Variants in BNC2 observed in about 807,000 individuals in gnomAD.
BNC2 encodes the protein zinc finger protein basonuclin-2.
BNC2 carries 20 observed loss-of-function variants against 76.3 expected under a neutral mutation model. That is an observed-to-expected ratio of 0.26 (90% CI 0.18 to 0.38). The LOEUF (loss-of-function observed/expected upper bound fraction) is 0.38, where lower values mean the gene tolerates loss of function less well. Ranked by LOEUF, BNC2 falls within the 10% of genes least tolerant of loss-of-function variation. The pLI is 1.00. For missense variants in BNC2, 1,382 were observed against 1,399.8 expected (o/e 0.99, Z 0.20); for synonymous variants, 582 against 514.8 (o/e 1.13, Z -1.77).
intron 3 of BNC2, among the ~76,000 whole-genome samples, chr9:16,640,623 T>G (rs904846455): frequency 1.3e-5 from 2 of 152,208 alleles, no homozygotes; most frequent in Non-Finnish European, 2.9e-5. Context: ...TTCAAGTTTA[T>G]GCAAGAAACT....
intron 1 of BNC2, among the ~76,000 whole-genome samples, chr9:16,837,373 A>G (rs13288423): frequency 0.29 from 43,880 of 151,920 alleles, 7,171 homozygotes; most frequent in East Asian, 0.47. Context: ...GCGTGGTGGC[A>G]GGCGCCTGTA....
At chr9:16,599,498 T>G (rs1268644739) in intron 3 of BNC2, among the ~76,000 whole-genome samples, 1 of 152,138 alleles carries the variant, frequency 6.6e-6, no homozygotes, top group African/African-American at 2.4e-5. Context: ...AAAAAGCAGT[T>G]TGAGGCCAGG....
chr9:16,812,197 C>T (rs1013042597), intron 1 of BNC2, among the ~76,000 whole-genome samples: 1 of 152,196 alleles, frequency 6.6e-6, no homozygotes, highest in African/African-American at 2.4e-5. Context: ...TGAAACCTGC[C>T]TGGCAGGCAA....
At chr9:16,696,857 C>T (rs1823353960) in intron 3 of BNC2, among the ~76,000 whole-genome samples, 1 of 152,178 alleles carries the variant, frequency 6.6e-6, no homozygotes, top group Non-Finnish European at 1.5e-5. Flanking sequence ...ATTATTTATG[C>T]ACAGAGCATT....
intron 1 of BNC2, among the ~76,000 whole-genome samples, chr9:16,852,728 G>A (rs1819156563): frequency 6.6e-6 from 1 of 152,144 alleles, no homozygotes; most frequent in South Asian, 2.1e-4. Context: ...AGGTTGGCAG[G>A]AAGGTCTCTT....
At chr9:16,817,287 C>T (rs112742327) in intron 1 of BNC2, among the ~76,000 whole-genome samples, 3 of 152,138 alleles carry the variant, frequency 2.0e-5, no homozygotes, top group African/African-American at 2.4e-5. Context: ...CTCCTCTCCT[C>T]GCAAAGTAAT....
intron 3 of BNC2, among the ~76,000 whole-genome samples, chr9:16,603,160 C>T (rs1289097935): frequency 6.6e-6 from 1 of 152,152 alleles, no homozygotes; most frequent in Non-Finnish European, 1.5e-5. Context: ...AGTAATCCTT[C>T]CTTGGTCCAG....
chr9:16,605,293 C>T (rs563576985), intron 3 of BNC2, among the ~76,000 whole-genome samples: 1 of 152,332 alleles, frequency 6.6e-6, no homozygotes, highest in South Asian at 2.1e-4. Context: ...ATACTGGCAA[C>T]GCTTCTTACG....
At chr9:16,704,748 A>T (rs1261735003) in intron 3 of BNC2, 1 of 151,564 alleles carries the variant, frequency 6.6e-6, no homozygotes, top group Non-Finnish European at 1.5e-5. Context: ...GGTAACATAC[A>T]GTACCATGAG....
chr9:16,690,012 C>A (rs536738583), intron 3 of BNC2, among the ~76,000 whole-genome samples: 1 of 152,214 alleles, frequency 6.6e-6, no homozygotes, highest in East Asian at 1.9e-4. Flanking sequence ...AGGTGAGCTA[C>A]GTGGCAGAGT....
intron 4 of BNC2, 34 bp from the exon 5 acceptor site, chr9:16,552,799 G>GGTGTT: frequency 1.9e-6 from 3 of 1,540,116 alleles, no homozygotes; most frequent in Non-Finnish European, 2.7e-6. Flanking sequence ...CAGAGATGGG[G>GGTGTT]GTGTTGGGAA....
intron 3 of BNC2, among the ~76,000 whole-genome samples, chr9:16,722,984 A>G (rs1824206502): frequency 6.6e-6 from 1 of 152,234 alleles, no homozygotes; most frequent in Admixed American, 6.5e-5. Flanking sequence ...CAATATACTG[A>G]GAATTATATT....
chr9:16,667,101 A>ACACACG lies in BNC2; in HGVS notation c.330+60695_330+60696insCGTGTG, dbSNP rs1554703006. ...CACATACACACACACACACACACAC[A>ACACACG]CACACACGCACACACGCACACACGC... On this transcript the variant is annotated intron_variant, in intron 3 of 6. Coordinates refer to ENST00000380672, the MANE Select transcript of BNC2 (RefSeq NM_017637.6). Among the ~76,000 whole-genome samples the ACACACG allele has an allele frequency of 2.0e-3, 300 of 148,870 alleles. 2 individuals carry two copies. Among genetic ancestry groups the ACACACG allele is most frequent in the African/African-American group, 7.3e-3 (281 of 38,708 alleles).
rs547255616 is a variant in BNC2, at chr9:16,819,478, C to A, written c.3+51168G>T. Among the ~76,000 whole-genome samples the A allele has an allele frequency of 3.3e-5, 5 of 152,268 alleles. No individual in the cohort carries two copies. The South Asian group carries it at 8.3e-4, about 25-fold the overall frequency. On this transcript the variant is annotated intron_variant, in intron 1 of 6. Transcript: ENST00000380672. ...TGGAGTTCGAGACCAGCCTGGCCAA[C>A]ATGGTGAAACCACGTCTCTACTAAA...
intron 1 of BNC2, among the ~76,000 whole-genome samples, chr9:16,770,697 T>G (rs1214900102): frequency 5.9e-5 from 9 of 151,300 alleles, no homozygotes; most frequent in Non-Finnish European, 1.2e-4. Flanking sequence ...AAACCCCACC[T>G]CTACAAAAAA....
chr9:16,464,913 C>T (rs1225762387), intron 5 of BNC2, among the ~76,000 whole-genome samples: 1 of 152,168 alleles, frequency 6.6e-6, no homozygotes, highest in East Asian at 1.9e-4. Flanking sequence ...TATGCTTACA[C>T]CTAAATAAAT....
At chr9:16,656,650 A>C (rs1410351808) in intron 3 of BNC2, among the ~76,000 whole-genome samples, 2 of 152,144 alleles carry the variant, frequency 1.3e-5, no homozygotes, top group African/African-American at 4.8e-5. Flanking sequence ...TTCCATGTGG[A>C]CCTTTAGGGT....
At chr9:16,866,077 T>G (rs1819536679) in intron 1 of BNC2, among the ~76,000 whole-genome samples, 2 of 152,196 alleles carry the variant, frequency 1.3e-5, no homozygotes, top group Non-Finnish European at 2.9e-5. Flanking sequence ...TAAATATGTT[T>G]GTCTAAAGTA....
At chr9:16,687,641 C>G (rs1015225183) in intron 3 of BNC2, among the ~76,000 whole-genome samples, 7 of 152,164 alleles carry the variant, frequency 4.6e-5, no homozygotes, top group South Asian at 2.1e-4. Flanking sequence ...TGGGACTTAA[C>G]TAAGGCAGAT....
Sources: allele counts gnomAD v4.1 joint callset (sites outside exome capture counted in the v4.1 genomes callset), GRCh38; gene constraint gnomAD v4.1.1; transcripts MANE v1.5; gene names NCBI Gene and HGNC (gene_info 2026-07-23, HGNC 2026-07-21).